The following RNF122 variants were observed in gnomAD, a reference collection of about 807,000 sequenced individuals.
RNF122 encodes the protein ring finger protein 122.
A neutral mutation model predicts 24.2 loss-of-function variants in RNF122; 17 were observed. The observed-to-expected ratio is 0.70, with a 90% CI of 0.48 to 1.06. The LOEUF is 1.06. RNF122 is among the 50% of genes least tolerant of loss of function. The probability of loss-of-function intolerance (pLI) is 0.00; values close to 1 mark genes in which losing one functional copy is unlikely to be tolerated. For synonymous variants in RNF122, 65 were observed against 71.8 expected (o/e 0.91, Z 0.48); for missense variants, 168 against 198.1 (o/e 0.85, Z 0.91).
intron 2 of RNF122, among the ~76,000 whole-genome samples, chr8:33,557,940 C>T (rs1025975217): frequency 6.6e-6 from 1 of 152,028 alleles, no homozygotes; most frequent in South Asian, 2.1e-4. Context: ...CTCAGGAGTT[C>T]GAGACCATCC....
rs147098542 is a variant in RNF122 at position 33,548,841 on chromosome 8, C to T, written c.380G>A (p.Arg127His). Reference sequence around the variant, plus strand: ...CTTGTTACACATGGGGCAGACACAGCGAACTTCCAGCCATTTCACCAGACA... The same window carrying T: ...CTTGTTACACATGGGGCAGACACAGTGAACTTCCAGCCATTTCACCAGACA... ...RKCLVKWLEV[R>H]CVCPMCNKPI... The change falls in exon 6 of 6, where the codon CGC becomes CAC. Residue 127 changes from arginine (R) to histidine (H), a missense_variant. Coordinates refer to ENST00000256257, the MANE Select transcript of RNF122 (RefSeq NM_024787.3). 2.2e-5 allele frequency: 35 copies of T among 1,613,650 alleles called. No homozygotes were observed. Among genetic ancestry groups the T allele is most frequent in the African/African-American group, 5.3e-5 (4 of 74,842 alleles).
intron 4 of RNF122, among the ~76,000 whole-genome samples, chr8:33,549,715 A>C (rs1810342221): frequency 7.0e-6 from 1 of 142,818 alleles, no homozygotes; most frequent in Admixed American, 6.8e-5. Flanking sequence ...TTCAGTCCCT[A>C]GTTACACTCA....
intron 4 of RNF122, among the ~76,000 whole-genome samples, chr8:33,550,444 G>A (rs1810358052): frequency 6.6e-6 from 1 of 152,218 alleles, no homozygotes. Context: ...CTGAGTAGGA[G>A]TGTCTGTGGT....
Position 33,554,386 on chromosome 8 carries a change from C to T in RNF122, c.183-2997G>A, listed in dbSNP as rs555017238. Among the ~76,000 whole-genome samples the T allele has an allele frequency of 1.1e-3, 161 of 152,254 alleles. 2 individuals are homozygous for T. The highest frequency in any genetic ancestry group is 0.01 in the Middle Eastern group (3 of 294). ...GCTGTCTTTTTCTGTTTTCTGTACCCCAGGCACCTAGAGTACCACTTCCCC... is the reference window on the plus strand; with the variant it reads ...GCTGTCTTTTTCTGTTTTCTGTACCTCAGGCACCTAGAGTACCACTTCCCC... On this transcript the variant is annotated intron_variant, in intron 2 of 5. Coordinates refer to ENST00000256257, the MANE Select transcript of RNF122 (RefSeq NM_024787.3).
chr8:33,563,730 CT>C (rs1245393363), intron 1 of RNF122, among the ~76,000 whole-genome samples: 4 of 152,158 alleles, frequency 2.6e-5, no homozygotes, highest in Non-Finnish European at 5.9e-5. Flanking sequence ...TTCTCACCTC[CT>C]TCCCCCGCAC....
chr8:33,548,777 C>T lies in RNF122; in HGVS notation c.444G>A (p.Gly148=), dbSNP rs1386652559. The T allele has an allele frequency of 6.2e-7, 1 of 1,613,418 alleles. No individual in the cohort carries two copies. Among genetic ancestry groups the T allele is most frequent in the Non-Finnish European group, 8.5e-7 (1 of 1,179,472 alleles). ...CTCACACCAGCTCATCCAATAGAAT[C>T]CCAATGTTCTGCGTGGCCTCTGAGG... ...ASPSEATQNI[G]ILLDELV Residue 148 remains glycine (G), a synonymous_variant, in exon 6 of 6, where the codon GGG becomes GGA. Coordinates refer to ENST00000256257, the MANE Select transcript of RNF122 (RefSeq NM_024787.3).
chr8:33,559,559 A>T (rs1810509327), intron 1 of RNF122, among the ~76,000 whole-genome samples: 1 of 152,230 alleles, frequency 6.6e-6, no homozygotes, highest in African/African-American at 2.4e-5. Flanking sequence ...ATTGCAAAGG[A>T]CAATTGCAAA....
intron 1 of RNF122, among the ~76,000 whole-genome samples, chr8:33,561,503 A>T (rs1376359385): frequency 6.7e-6 from 1 of 149,022 alleles, no homozygotes. Context: ...TCCTTCTCTC[A>T]TTTACCCCAC....
chr8:33,557,757 G>C (rs1810477197), intron 2 of RNF122, among the ~76,000 whole-genome samples: 1 of 152,028 alleles, frequency 6.6e-6, no homozygotes, highest in Non-Finnish European at 1.5e-5. Flanking sequence ...GTCTTCTCTT[G>C]GATCCCTAAG....
At chr8:33,557,445 T>C (rs888574070) in intron 2 of RNF122, among the ~76,000 whole-genome samples, 3 of 151,456 alleles carry the variant, frequency 2.0e-5, no homozygotes, top group Admixed American at 6.6e-5. Context: ...GCCTGGCCAA[T>C]GTGGCAAAAC....
intron 1 of RNF122, among the ~76,000 whole-genome samples, chr8:33,562,258 G>A (rs1031795833): frequency 7.9e-5 from 12 of 152,108 alleles, no homozygotes; most frequent in African/African-American, 1.4e-4. Flanking sequence ...AGCACAGGCC[G>A]GGTGTGGTGG....
chr8:33,549,754 G>A (rs1224027146), intron 4 of RNF122, among the ~76,000 whole-genome samples: 3 of 152,126 alleles, frequency 2.0e-5, no homozygotes, highest in Non-Finnish European at 2.9e-5. Flanking sequence ...ACAGCCACAT[G>A]GTTTCCATAT....
chr8:33,561,138 AT>A (rs1810534280), intron 1 of RNF122, among the ~76,000 whole-genome samples: 1 of 152,048 alleles, frequency 6.6e-6, no homozygotes, highest in Non-Finnish European at 1.5e-5. Flanking sequence ...AGACTCAATC[AT>A]TTAGTAACTC....
At chr8:33,564,356 T>G (rs1810589597) in intron 1 of RNF122, among the ~76,000 whole-genome samples, 2 of 151,924 alleles carry the variant, frequency 1.3e-5, no homozygotes, top group South Asian at 4.1e-4. Context: ...AAGACCAGCA[T>G]AGGCAATGTA....
At chr8:33,551,958 C>T (rs1454829143) in intron 2 of RNF122, among the ~76,000 whole-genome samples, 1 of 152,140 alleles carries the variant, frequency 6.6e-6, no homozygotes, top group African/African-American at 2.4e-5. Context: ...GGCTGACTCT[C>T]AATGGCCAAA....
intron 1 of RNF122, among the ~76,000 whole-genome samples, chr8:33,562,626 T>C (rs1300559776): frequency 1.3e-5 from 2 of 150,824 alleles, no homozygotes; most frequent in East Asian, 2.0e-4. Context: ...ATTTTCACCA[T>C]AGAAAGTGAG....
At position 33,548,720 on chromosome 8, in the gene RNF122, G is replaced by A. The variant is rs1367253173; in HGVS notation, c.*33C>T. On this transcript the variant is annotated 3_prime_UTR_variant, in exon 6 of 6. Coordinates refer to ENST00000256257, the MANE Select transcript of RNF122 (RefSeq NM_024787.3). ...GGGACCAGACATCCATGAGGCAAGA[G>A]GTCTTCTCCAGGTCTCGGTGTAGCG... 7.5e-7 allele frequency: 1 copy of A among 1,341,796 alleles called. No homozygotes were observed. Among genetic ancestry groups the A allele is most frequent in the Non-Finnish European group, 1.1e-6 (1 of 931,896 alleles). 83.1% of individuals were successfully genotyped at this position (1,341,796 alleles called of 1,614,324 possible).
In RNF122 at chr8:33,558,610, C is replaced by A. The variant is rs780161117; in HGVS notation, c.182+5G>T. 5 of 1,599,064 alleles carry A rather than the reference C, an allele frequency of 3.1e-6. No homozygotes were observed. The highest frequency in any genetic ancestry group is 2.2e-5 in the East Asian group (1 of 44,738). ...CCCACCCCGGTCAGCCAGGGATCCA[C>A]GCACCTGATAAAATAGCAGCAGAAG... On this transcript the variant is annotated splice_donor_5th_base_variant and intron_variant, in intron 2 of 5. Coordinates refer to ENST00000256257, the MANE Select transcript of RNF122 (RefSeq NM_024787.3).
intron 2 of RNF122, among the ~76,000 whole-genome samples, chr8:33,556,159 A>T (rs1810448153): frequency 6.7e-6 from 1 of 148,560 alleles, no homozygotes; most frequent in Non-Finnish European, 1.5e-5. Flanking sequence ...CAGCCTGGGC[A>T]ACAGAGCAAG....
Sources: gnomAD v4.1 joint callset for allele counts (sites outside exome capture counted in the v4.1 genomes callset) on GRCh38, gnomAD v4.1.1 for gene constraint, MANE v1.5 for transcripts, NCBI Gene and HGNC (gene_info 2026-07-23, HGNC 2026-07-21) for gene names.